CDH18: variants seen among roughly 807,000 people sequenced by gnomAD.
CDH18 encodes cadherin 18, also known as cadherin-18.
A neutral mutation model predicts 67.9 loss-of-function variants in CDH18; 31 were observed. The observed-to-expected ratio is 0.46, with a 90% CI of 0.34 to 0.62. CDH18 has a LOEUF of 0.62. Ranked by LOEUF, CDH18 falls within the 20% of genes least tolerant of loss-of-function variation. The pLI, the probability that CDH18 is intolerant of heterozygous loss-of-function variation, is 0.01. For missense variants in CDH18, 890 were observed against 975.5 expected (o/e 0.91, Z 1.17); for synonymous variants, 362 against 347.2 (o/e 1.04, Z -0.48).
chr5:19,498,788 G>A (rs778269840), intron 11 of CDH18, among the ~76,000 whole-genome samples: 1 of 152,016 alleles, frequency 6.6e-6, no homozygotes, highest in Non-Finnish European at 1.5e-5. Context: ...TCATATCTTA[G>A]GGCCTTTAGG....
chr5:20,133,885 A>C (rs560304273), intron 2 of CDH18, among the ~76,000 whole-genome samples: 1 of 152,256 alleles, frequency 6.6e-6, no homozygotes, highest in Admixed American at 6.5e-5. Flanking sequence ...ATCATTCGAA[A>C]AATTTATTCT....
At chr5:20,099,842 G>A (rs904316096) in intron 2 of CDH18, among the ~76,000 whole-genome samples, 6 of 152,010 alleles carry the variant, frequency 3.9e-5, no homozygotes, top group African/African-American at 1.4e-4. Flanking sequence ...GGAGTGCAGT[G>A]GCAGGGTCTT....
chr5:20,472,582 G>T (rs1752165713), intron 1 of CDH18, among the ~76,000 whole-genome samples: 1 of 152,136 alleles, frequency 6.6e-6, no homozygotes, highest in African/African-American at 2.4e-5. Context: ...ACAATGAAAA[G>T]ATTTAAGTTA....
intron 1 of CDH18, among the ~76,000 whole-genome samples, chr5:20,548,608 A>AG (rs1156235482): frequency 6.6e-6 from 1 of 152,200 alleles, no homozygotes; most frequent in Non-Finnish European, 1.5e-5. Context: ...TGCCATAAAG[A>AG]GCATAACTGA....
At chr5:19,551,546 G>A (rs1351591015) in intron 8 of CDH18, among the ~76,000 whole-genome samples, 1 of 152,110 alleles carries the variant, frequency 6.6e-6, no homozygotes, top group Non-Finnish European at 1.5e-5. Context: ...ATTTTCTTGT[G>A]ATGATTAAGT....
At chr5:19,708,691 A>G (rs187726380) in intron 5 of CDH18, among the ~76,000 whole-genome samples, 114 of 152,286 alleles carry the variant, frequency 7.5e-4, no homozygotes, top group Admixed American at 1.2e-3. Context: ...CCTTAAGAAC[A>G]TGTTCCTGCT....
intron 2 of CDH18, among the ~76,000 whole-genome samples, chr5:19,910,389 A>C (rs573498961): frequency 2.6e-5 from 4 of 152,106 alleles, no homozygotes; most frequent in African/African-American, 9.7e-5. Flanking sequence ...GCAGGGATCT[A>C]CGCTCCATTA....
At chr5:20,297,172 A>T (rs1436949119) in intron 1 of CDH18, among the ~76,000 whole-genome samples, 1 of 152,248 alleles carries the variant, frequency 6.6e-6, no homozygotes, top group East Asian at 1.9e-4. Flanking sequence ...AAATGTTAGT[A>T]TATAAAAATC....
chr5:20,355,401 C>T (rs750048078), intron 1 of CDH18, among the ~76,000 whole-genome samples: 5 of 152,324 alleles, frequency 3.3e-5, no homozygotes, highest in African/African-American at 7.2e-5. Flanking sequence ...TAGCATTTCA[C>T]ATATGAATTA....
At position 20,152,766 on chromosome 5, in the gene CDH18, A is replaced by G. The variant is rs543964675; in HGVS notation, c.-518+102678T>C. 8.2e-4 allele frequency among the ~76,000 whole-genome samples: 125 copies of G among 152,160 alleles called. No homozygotes were observed. In the Middle Eastern group the frequency reaches 0.017, roughly 21 times the overall value. ...ATGCTAGAGTCAACTTAGTTGGAGG[A>G]TGCCATTTGTAAGGAAATCTAAAGA... On this transcript the variant is annotated intron_variant, in intron 2 of 14. Coordinates refer to the CDH18 transcript ENST00000507958.
intron 1 of CDH18, chr5:20,304,229 G>A: frequency 6.6e-7 from 1 of 1,523,472 alleles, no homozygotes; most frequent in East Asian, 2.2e-5. Flanking sequence ...TGGAATCAGA[G>A]CATTCAGCAA....
intron 1 of CDH18, among the ~76,000 whole-genome samples, chr5:20,311,135 G>C (rs1736947082): frequency 6.6e-6 from 1 of 152,042 alleles, no homozygotes; most frequent in African/African-American, 2.4e-5. Context: ...TAACTGAAAA[G>C]TCAGGAAACA....
At chr5:19,992,533 T>G (rs1246366346), upstream of CDH18, among the ~76,000 whole-genome samples, 1 of 151,924 alleles carries the variant, frequency 6.6e-6, no homozygotes, top group African/African-American at 2.4e-5. Flanking sequence ...AAGCAAATAT[T>G]TTCCTAACTT....
intron 2 of CDH18, among the ~76,000 whole-genome samples, chr5:20,119,420 C>T (rs1284311704): frequency 2.0e-5 from 3 of 152,096 alleles, no homozygotes; most frequent in African/African-American, 7.2e-5. Flanking sequence ...CATCCATGCA[C>T]TCAAATTATT....
At chr5:19,486,190 C>T (rs1310477131) in intron 11 of CDH18, among the ~76,000 whole-genome samples, 1 of 150,782 alleles carries the variant, frequency 6.6e-6, no homozygotes, top group African/African-American at 2.4e-5. Flanking sequence ...TGTACCTCAC[C>T]GGAACAGTAC....
chr5:19,850,171 C>A (rs1783528310), intron 2 of CDH18, among the ~76,000 whole-genome samples: 1 of 151,688 alleles, frequency 6.6e-6, no homozygotes, highest in Admixed American at 6.6e-5. Context: ...ATAAATCTTC[C>A]TGATTAATAA....
At chr5:20,368,121 T>C (rs1742672826) in intron 1 of CDH18, among the ~76,000 whole-genome samples, 2 of 152,190 alleles carry the variant, frequency 1.3e-5, no homozygotes, top group African/African-American at 2.4e-5. Flanking sequence ...CATTTTTCAT[T>C]ATAGCAAATA....
chr5:20,417,222 T>C (rs1042603863), intron 1 of CDH18, among the ~76,000 whole-genome samples: 36 of 152,140 alleles, frequency 2.4e-4, no homozygotes, highest in African/African-American at 7.7e-4. Context: ...TTTAATAACG[T>C]AGCTGTTCTG....
chr5:20,056,478 GTTTTTTTTTTTTTT>G (rs58415003), intron 2 of CDH18, among the ~76,000 whole-genome samples: 3 of 16,288 alleles, frequency 1.8e-4, no homozygotes, highest in Non-Finnish European at 3.8e-4. Context: ...TCTTTCTTTT[GTTTTTTTTTTTTTT>G]TTTTTTTTTT....
Sources: allele counts gnomAD v4.1 joint callset (sites outside exome capture counted in the v4.1 genomes callset), GRCh38; gene constraint gnomAD v4.1.1; transcripts MANE v1.5; gene names NCBI Gene and HGNC (gene_info 2026-07-23, HGNC 2026-07-21).